Variants in PTPRU observed in about 807,000 individuals in gnomAD.
PTPRU encodes the protein protein tyrosine phosphatase receptor type U, also known as receptor-type tyrosine-protein phosphatase U.
PTPRU carries 69 observed loss-of-function variants against 166.3 expected under a neutral mutation model. The ratio of observed to expected loss-of-function variants is 0.41; its 90% CI spans 0.34 to 0.51. The LOEUF is 0.51. Ranked by LOEUF, PTPRU falls within the 20% of genes least tolerant of loss-of-function variation. The pLI, the probability that PTPRU is intolerant of heterozygous loss-of-function variation, is 0.09. For missense variants in PTPRU, 1,657 were observed against 2,013.7 expected, an observed-to-expected ratio of 0.82 and a Z score of 3.39; for synonymous variants, 793 against 814.0, an observed-to-expected ratio of 0.97 and a Z score of 0.44.
rs574606553 is a variant in PTPRU at position 29,238,726 on chromosome 1, T to C, written c.73+2009T>C. The stretch of plus-strand genomic sequence containing the variant: ...CCCCATGTCCTGCGGCAACTTTGCC[T>C]CCCTCTCCCACCGTGAAATCAAACC... On this transcript the variant is annotated intron_variant, in intron 1 of 29. Coordinates refer to ENST00000373779, the MANE Select transcript of PTPRU (RefSeq NM_133178.4). The surrounding 1 kb of genome is among the most constrained non-coding windows in gnomAD (Gnocchi z 6.1). Among the ~76,000 whole-genome samples the C allele has an allele frequency of 6.6e-6, 1 of 151,602 alleles. No homozygotes were observed. Among genetic ancestry groups the C allele is most frequent in the East Asian group, 2.0e-4 (1 of 5,106 alleles).
intron 16 of PTPRU, among the ~76,000 whole-genome samples, chr1:29,304,249 G>C (rs2151963580): frequency 6.6e-6 from 1 of 152,298 alleles, no homozygotes; most frequent in South Asian, 2.1e-4. Context: ...TGCTAACCCT[G>C]ATTTGAAATC....
chr1:29,292,379 A>C (rs138176225), intron 15 of PTPRU, among the ~76,000 whole-genome samples: 71 of 152,316 alleles, frequency 4.7e-4, no homozygotes, highest in African/African-American at 1.6e-3. Flanking sequence ...AGACCGATAT[A>C]GAGTCAGACC....
At chr1:29,298,114 C>G (rs1686972950) in intron 15 of PTPRU, among the ~76,000 whole-genome samples, 1 of 152,022 alleles carries the variant, frequency 6.6e-6, no homozygotes, top group Admixed American at 6.6e-5. Flanking sequence ...AAAAATTAGC[C>G]AGGGATGGTG....
Position 29,260,220 on chromosome 1 carries a change from C to A in PTPRU, c.850+176C>A. 1 of 741,642 alleles carries A rather than the reference C, an allele frequency of 1.3e-6. No homozygotes were observed. The highest frequency in any genetic ancestry group is 2.0e-6 in the Non-Finnish European group (1 of 510,588). 45.9% of individuals were successfully genotyped at this position (741,642 alleles called of 1,614,324 possible). A position where few individuals can be genotyped will look rare whatever the true frequency, so the allele number is the denominator to read the frequency against. ...GGCAGTGGCCCAGCCGGGATGAGAT[C>A]TGATCTAGGGGTCGGGGCTGGCTTC... On this transcript the variant is annotated intron_variant, in intron 6 of 29. Transcript: ENST00000373779. This position sits in a 1 kb window ranked among gnomAD's most constrained non-coding sequence, Gnocchi z 8.3.
intron 18 of PTPRU, chr1:29,307,018 C>T (rs1687422302): frequency 2.4e-6 from 3 of 1,255,528 alleles, no homozygotes; most frequent in South Asian, 1.3e-5. Context: ...TCTGCCTGCC[C>T]TGCTCACATC....
chr1:29,325,648 T>C lies in PTPRU; in HGVS notation c.4298T>C (p.Leu1433Pro), dbSNP rs1574742272. The C allele has an allele frequency of 3.1e-6, 5 of 1,609,862 alleles. No homozygotes were observed. The East Asian group carries it at 1.1e-4, about 36-fold the overall frequency. The stretch of plus-strand genomic sequence containing the variant: ...GTGGCCCTGGAGTACTTGGAGGGGC[T>C]GGAGTCAAGATAGCGGGGCCCTGGC... ...YDVALEYLEG[L>P]ESR Residue 1433 changes from leucine to proline, a missense_variant, in exon 30 of 30, where the codon CTG (leucine) becomes CCG (proline). By Grantham distance (98) the Leu-to-Pro change is moderately conservative. Around this residue, in one of 3 missense-constraint regions of PTPRU, gnomAD observed 1,190 missense variants for 1,477.4 expected, o/e 0.81. Transcript: ENST00000373779.
Position 29,303,852 on chromosome 1 carries a change from C to T in PTPRU, c.2477-3C>T. On this transcript the variant is annotated splice_region_variant and splice_polypyrimidine_tract_variant and intron_variant, in intron 15 of 29. Transcript: ENST00000373779. Reference sequence around the variant, plus strand: ...GAACCCTTTTGTCTTTCTCTGACTGCAGGAGACCAGCGCAGCGGTGGGGTC... The same window carrying T: ...GAACCCTTTTGTCTTTCTCTGACTGTAGGAGACCAGCGCAGCGGTGGGGTC... 3.1e-6 allele frequency: 5 copies of T among 1,600,902 alleles called. No homozygotes were observed. The highest frequency in any genetic ancestry group is 1.1e-5 in the South Asian group (1 of 90,626).
chr1:29,279,238 T>C lies in PTPRU; in HGVS notation c.1563+117T>C. ...GAGGACAGATGTGATTGTCATAGTT[T>C]CTTCAACTATGGCCAGGTCTGTGCC... On this transcript the variant is annotated intron_variant, in intron 9 of 29. Transcript: ENST00000373779. The surrounding 1 kb of genome is among the most constrained non-coding windows in gnomAD (Gnocchi z 5.2). The C allele has an allele frequency of 9.4e-7, 1 of 1,063,116 alleles. No individual in the cohort carries two copies. Among genetic ancestry groups the C allele is most frequent in the Non-Finnish European group, 1.4e-6 (1 of 721,590 alleles). 65.9% of individuals were successfully genotyped at this position (1,063,116 alleles called of 1,614,324 possible).
At chr1:29,241,167 G>T (rs1209878297) in intron 1 of PTPRU, among the ~76,000 whole-genome samples, 2 of 152,154 alleles carry the variant, frequency 1.3e-5, no homozygotes, top group African/African-American at 4.8e-5. Flanking sequence ...GACCCCTGGG[G>T]AGCCTGGTGC....
In PTPRU at chr1:29,279,088, C is replaced by G. The variant is rs148293511; in HGVS notation, c.1530C>G (p.Pro510=). 6.3e-7 allele frequency: 1 copy of G among 1,586,748 alleles called. No individual in the cohort carries two copies. Among genetic ancestry groups the G allele is most frequent in the East Asian group, 2.3e-5 (1 of 43,414 alleles). Reference sequence around the variant, plus strand: ...TGATCTTCCTCAAGTGGGAGGAGCCCCAGGAGCCCAATGGTCTCATCACCC... The same window carrying G: ...TGATCTTCCTCAAGTGGGAGGAGCCGCAGGAGCCCAATGGTCTCATCACCC... ...EDMIFLKWEE[P]QEPNGLITQY... is the part of the protein sequence containing the mutation. Residue 510 remains proline (P), a synonymous_variant, in exon 9 of 30, where the codon CCC becomes CCG. Transcript: ENST00000373779. This position sits in a 1 kb window ranked among gnomAD's most constrained non-coding sequence, Gnocchi z 5.2.
At chr1:29,292,532 G>A (rs192015804) in intron 15 of PTPRU, among the ~76,000 whole-genome samples, 73 of 152,326 alleles carry the variant, frequency 4.8e-4, no homozygotes, top group African/African-American at 1.6e-3. Flanking sequence ...GAGATAATGT[G>A]TGCAAAATCA....
Position 29,279,059 on chromosome 1 carries a change from G to A in PTPRU, c.1501G>A (p.Asp501Asn). 1 of 1,594,024 alleles carries A rather than the reference G, an allele frequency of 6.3e-7. No homozygotes were observed. The highest frequency in any genetic ancestry group is 1.3e-5 in the African/African-American group (1 of 74,618). ...AESLTFTPLE[D>N]MIFLKWEEPQ... ...GTCCCTGACCTTCACTCCACTGGAG[G>A]ACATGATCTTCCTCAAGTGGGAGGA... Residue 501 changes from aspartate (D) to asparagine (N), a missense_variant, in exon 9 of 30, where the codon GAC becomes AAC. Around this residue, in one of 3 missense-constraint regions of PTPRU, gnomAD observed 1,190 missense variants for 1,477.4 expected, o/e 0.81. Coordinates refer to ENST00000373779, the MANE Select transcript of PTPRU (RefSeq NM_133178.4). The surrounding 1 kb of genome is among the most constrained non-coding windows in gnomAD (Gnocchi z 5.2).
intron 1 of PTPRU, among the ~76,000 whole-genome samples, chr1:29,243,643 A>G (rs979297972): frequency 7.2e-5 from 11 of 152,194 alleles, no homozygotes; most frequent in Admixed American, 6.5e-5. Flanking sequence ...AATTTCTCCC[A>G]TAGTGGACGT....
At chr1:29,303,783 C>T in intron 15 of PTPRU, 72 bp from the exon 16 acceptor site, 2 of 1,446,074 alleles carry the variant, frequency 1.4e-6, no homozygotes, top group Non-Finnish European at 1.9e-6. Flanking sequence ...CCCCCATAGA[C>T]CCCAGTCTCT....
Position 29,291,738 on chromosome 1 carries a change from C to A in PTPRU, c.2319-131C>A. The A allele has an allele frequency of 2.1e-6, 2 of 949,588 alleles. No homozygotes were observed. The highest frequency in any genetic ancestry group is 1.6e-6 in the Non-Finnish European group (1 of 633,184). The allele number at this position is 949,588 out of a possible 1,614,324, so 58.8% of individuals were successfully genotyped here. A position where few individuals can be genotyped will look rare whatever the true frequency, so the allele number is the denominator to read the frequency against. Reference sequence around the variant, plus strand: ...AGGATGGGGGCAGAGCCCTCAGCATCCAGAGATGCTTCTAGGACAGCTGCT... The same window carrying A: ...AGGATGGGGGCAGAGCCCTCAGCATACAGAGATGCTTCTAGGACAGCTGCT... On this transcript the variant is annotated intron_variant, in intron 14 of 29. Transcript: ENST00000373779. This position sits in a 1 kb window ranked among gnomAD's most constrained non-coding sequence, Gnocchi z 4.1.
Position 29,257,436 on chromosome 1 carries a change from G to A in PTPRU, c.206-1069G>A, listed in dbSNP as rs1684821330. Among the ~76,000 whole-genome samples the A allele has an allele frequency of 6.6e-6, 1 of 152,196 alleles. No individual in the cohort carries two copies. ...GGAGCGGGGATCTGAGTGAGCTTGTGTTGGCTGGCAGCCAAGCCCGGGAGG... is the reference window on the plus strand; with the variant it reads ...GGAGCGGGGATCTGAGTGAGCTTGTATTGGCTGGCAGCCAAGCCCGGGAGG... On this transcript the variant is annotated intron_variant, in intron 2 of 29. Coordinates refer to ENST00000373779, the MANE Select transcript of PTPRU (RefSeq NM_133178.4). This position sits in a 1 kb window ranked among gnomAD's most constrained non-coding sequence, Gnocchi z 4.6.
chr1:29,252,532 T>G (rs2151942535), intron 1 of PTPRU, among the ~76,000 whole-genome samples: 1 of 152,162 alleles, frequency 6.6e-6, no homozygotes, highest in East Asian at 1.9e-4. Context: ...CCTCCCAAAG[T>G]GTTGGGATTA....
intron 7 of PTPRU, among the ~76,000 whole-genome samples, chr1:29,261,753 A>T (rs545560097): frequency 6.6e-6 from 1 of 151,996 alleles, no homozygotes; most frequent in Non-Finnish European, 1.5e-5. Context: ...GGCTGGTCAC[A>T]AACTCCTGAC....
chr1:29,306,680 C>T (rs1687404956), intron 18 of PTPRU, among the ~76,000 whole-genome samples: 1 of 152,124 alleles, frequency 6.6e-6, no homozygotes. Flanking sequence ...AAGCAAAGGC[C>T]TGGGGGGCCA....
Sources: gnomAD v4.1 joint callset for allele counts (sites outside exome capture counted in the v4.1 genomes callset) on GRCh38, gnomAD v4.1.1 for gene constraint, gnomAD v4.1.1 regional missense constraint, Gnocchi (gnomAD v3.1) non-coding constraint, MANE v1.5 for transcripts, NCBI Gene and HGNC (gene_info 2026-07-23, HGNC 2026-07-21) for gene names.